Variants in ADGRV1 observed in about 807,000 individuals in gnomAD.
ADGRV1 encodes the protein G-protein coupled receptor 98.
Under a neutral mutation model 596.2 loss-of-function variants are expected in ADGRV1, and 359 were observed. The ratio of observed to expected loss-of-function variants is 0.60; its 90% CI spans 0.55 to 0.66. The LOEUF (loss-of-function observed/expected upper bound fraction) is 0.66, where lower values mean the gene tolerates loss of function less well. Ranked by LOEUF, ADGRV1 falls within the 30% of genes least tolerant of loss-of-function variation. The pLI, the probability that ADGRV1 is intolerant of heterozygous loss-of-function variation, is 0.00. For synonymous variants in ADGRV1, 2,681 were observed against 2,679.2 expected, an observed-to-expected ratio of 1.00 and a Z score of -0.02; for missense variants, 7,274 against 7,575.6, an observed-to-expected ratio of 0.96 and a Z score of 1.48.
chr5:90,683,536 A>G, intron 27 of ADGRV1, 50 bp from the exon 28 acceptor site: 3 of 1,403,528 alleles, frequency 2.1e-6, no homozygotes, highest in Non-Finnish European at 2.9e-6. Context: ...CCTCTAAGTA[A>G]CTGGCTTTAA....
At chr5:90,815,961 A>G (rs932492995) in intron 75 of ADGRV1, among the ~76,000 whole-genome samples, 8 of 152,188 alleles carry the variant, frequency 5.3e-5, no homozygotes, top group African/African-American at 1.7e-4. Context: ...TACCATACAA[A>G]TATCAGACTA....
At position 90,728,875 on chromosome 5, in the gene ADGRV1, T is replaced by C; in HGVS notation, c.10368T>C (p.Val3456=). Residue 3456 remains valine, a synonymous_variant, in exon 49 of 90, where the codon GTT becomes GTC. Transcript: ENST00000405460. ...QEVPVSGTTE[V]EALSSANDIY... ...TGCCTGTCAGTGGGACAACAGAAGTTGAGGCTTTGTCTTCAGCCAATGATA... is the reference window on the plus strand; with the variant it reads ...TGCCTGTCAGTGGGACAACAGAAGTCGAGGCTTTGTCTTCAGCCAATGATA... The C allele has an allele frequency of 6.2e-7, 1 of 1,613,616 alleles. No homozygotes were observed. Among genetic ancestry groups the C allele is most frequent in the Non-Finnish European group, 8.5e-7 (1 of 1,179,766 alleles).
chr5:90,976,970 T>A (rs1010517080), intron 84 of ADGRV1, among the ~76,000 whole-genome samples: 2 of 152,190 alleles, frequency 1.3e-5, no homozygotes, highest in Non-Finnish European at 2.9e-5. Flanking sequence ...CATTCACATC[T>A]TGTGCGTTAT....
chr5:90,803,303 A>G (rs188045840), intron 71 of ADGRV1, among the ~76,000 whole-genome samples: 17 of 152,268 alleles, frequency 1.1e-4, no homozygotes, highest in Admixed American at 8.5e-4. Context: ...GCAACTAAGT[A>G]TTTGCATCTT....
Position 90,815,682 on chromosome 5 carries a change from G to T in ADGRV1, c.16142G>T (p.Arg5381Met). 1 of 1,579,566 alleles carries T rather than the reference G, an allele frequency of 6.3e-7. No homozygotes were observed. Among genetic ancestry groups the T allele is most frequent in the East Asian group, 2.3e-5 (1 of 43,498 alleles). Reference sequence around the variant, plus strand: ...GAGTCCCAGAGTGGACTAGAACTCAGGGAAGGAGCTGTTATGAGAAGATTG... The same window carrying T: ...GAGTCCCAGAGTGGACTAGAACTCATGGAAGGAGCTGTTATGAGAAGATTG... ...SEESQSGLEL[R>M]EGAVMRRLHL... Residue 5381 changes from arginine to methionine, a missense_variant, in exon 75 of 90, where the codon AGG (arginine) becomes ATG (methionine). This residue lies in a region of ADGRV1 where 1,874 missense variants were observed against 1,970.2 expected (regional missense o/e 0.95). Coordinates refer to ENST00000405460, the MANE Select transcript of ADGRV1 (RefSeq NM_032119.4).
chr5:91,051,766 C>G (rs1044582833), intron 85 of ADGRV1, among the ~76,000 whole-genome samples: 1 of 151,928 alleles, frequency 6.6e-6, no homozygotes, highest in Non-Finnish European at 1.5e-5. Flanking sequence ...CCAGGATGGT[C>G]TTGATCTACT....
At chr5:90,765,322 T>A (rs1581049076) in intron 59 of ADGRV1, among the ~76,000 whole-genome samples, 1 of 152,250 alleles carries the variant, frequency 6.6e-6, no homozygotes, top group East Asian at 1.9e-4. Flanking sequence ...GAGAGCTGTC[T>A]TTGATTTTCT....
intron 29 of ADGRV1, among the ~76,000 whole-genome samples, chr5:90,686,656 A>G (rs1745693121): frequency 6.6e-6 from 1 of 152,164 alleles, no homozygotes; most frequent in South Asian, 2.1e-4. Flanking sequence ...GCTATTGTGA[A>G]TAGTGCCGCA....
chr5:91,028,738 T>TAA (rs1304526333), intron 85 of ADGRV1, among the ~76,000 whole-genome samples: 1 of 147,978 alleles, frequency 6.8e-6, no homozygotes, highest in Admixed American at 6.8e-5. Flanking sequence ...CTCTGTTTTT[T>TAA]TTTTTTTTTT....
intron 2 of ADGRV1, 118 bp downstream of exon 2, chr5:90,615,137 G>A (rs1357845161): frequency 5.0e-6 from 3 of 601,428 alleles, no homozygotes; most frequent in Non-Finnish European, 8.5e-6. Context: ...GATAAATGAT[G>A]GATAATTTGC....
chr5:90,621,335 A>T (rs955820937), intron 4 of ADGRV1, among the ~76,000 whole-genome samples: 3 of 152,262 alleles, frequency 2.0e-5, no homozygotes, highest in African/African-American at 7.2e-5. Flanking sequence ...ATAAGTAAAT[A>T]TGATCTTTAT....
chr5:91,137,119 T>G (rs1794703820), intron 87 of ADGRV1, among the ~76,000 whole-genome samples: 1 of 152,126 alleles, frequency 6.6e-6, no homozygotes, highest in Admixed American at 6.5e-5. Context: ...AAATTCTTGT[T>G]TTCCCTTTTC....
chr5:90,851,394 G>A (rs1386712750), intron 79 of ADGRV1, among the ~76,000 whole-genome samples: 1 of 152,000 alleles, frequency 6.6e-6, no homozygotes, highest in Non-Finnish European at 1.5e-5. Context: ...ATAAGAGAGA[G>A]ATCAAGACTA....
rs527933680 is a variant in ADGRV1 at position 90,683,092 on chromosome 5, CATTTA to C, written c.5665-488_5665-484del. On this transcript the variant is annotated intron_variant, in intron 27 of 89. Coordinates refer to ENST00000405460, the MANE Select transcript of ADGRV1 (RefSeq NM_032119.4). ...CCTGAATGTAATATGTTGTTAATCACATTTAATTTATTGGGCATAAAAGATACACA... is the reference window on the plus strand; with the variant it reads ...CCTGAATGTAATATGTTGTTAATCACATTTATTGGGCATAAAAGATACACA... Among the ~76,000 whole-genome samples the C allele has an allele frequency of 1.5e-3, 223 of 152,200 alleles. 2 individuals are homozygous for C. The highest frequency in any genetic ancestry group is 1.1e-3 in the Non-Finnish European group (77 of 68,016).
At position 91,150,807 on chromosome 5, in the gene ADGRV1, C is replaced by G. The variant is rs551623982; in HGVS notation, c.18624+586C>G. ...GGATTTCCTCTGTACAAATCTACCTCCCATTGCTCTCTGCATTCTGTCCAC... is the reference window on the plus strand; with the variant it reads ...GGATTTCCTCTGTACAAATCTACCTGCCATTGCTCTCTGCATTCTGTCCAC... On this transcript the variant is annotated intron_variant, in intron 88 of 89. Coordinates refer to ENST00000405460, the MANE Select transcript of ADGRV1 (RefSeq NM_032119.4). Among the ~76,000 whole-genome samples, 20 of 152,326 alleles carry G rather than the reference C, an allele frequency of 1.3e-4. No individual in the cohort carries two copies. The South Asian group carries it at 4.1e-3, about 32-fold the overall frequency.
chr5:91,074,841 T>C (rs575207817), intron 86 of ADGRV1, among the ~76,000 whole-genome samples: 22 of 152,194 alleles, frequency 1.4e-4, no homozygotes, highest in Non-Finnish European at 2.8e-4. Flanking sequence ...CCAGCATCTG[T>C]TATTTTTTAA....
intron 83 of ADGRV1, among the ~76,000 whole-genome samples, chr5:90,928,358 C>G (rs1453075971): frequency 1.3e-5 from 2 of 151,788 alleles, no homozygotes; most frequent in Non-Finnish European, 2.9e-5. Context: ...TCTAAACTTT[C>G]CTTCTCACTT....
intron 87 of ADGRV1, among the ~76,000 whole-genome samples, chr5:91,111,693 C>T (rs918888574): frequency 2.1e-4 from 32 of 152,144 alleles, no homozygotes; most frequent in African/African-American, 7.7e-4. Context: ...GAGACTAGCA[C>T]ATGAACTATT....
intron 64 of ADGRV1, chr5:90,779,963 G>A (rs551019987): frequency 1.3e-5 from 2 of 152,244 alleles, no homozygotes; most frequent in African/African-American, 4.8e-5. Flanking sequence ...AAAAAATATT[G>A]TGGGCTCACA....
Sources: allele counts gnomAD v4.1 joint callset (sites outside exome capture counted in the v4.1 genomes callset), GRCh38; gene constraint gnomAD v4.1.1; regional missense constraint gnomAD v4.1.1; transcripts MANE v1.5; gene names NCBI Gene and HGNC (gene_info 2026-07-23, HGNC 2026-07-21).